The following GRM7 variants were observed in gnomAD, a reference collection of about 807,000 sequenced individuals.
The protein encoded by GRM7 is glutamate metabotropic receptor 7.
Under a neutral mutation model 84.5 loss-of-function variants are expected in GRM7, and 35 were observed. That is an observed-to-expected ratio of 0.41 (90% CI 0.32 to 0.55). The LOEUF is 0.55. GRM7 is among the 20% of genes least tolerant of loss of function. The probability of loss-of-function intolerance (pLI) is 0.19; values close to 1 mark genes in which losing one functional copy is unlikely to be tolerated. For synonymous variants in GRM7, 487 were observed against 455.1 expected (o/e 1.07, Z -0.89); for missense variants, 1,003 against 1,194.6 (o/e 0.84, Z 2.36).
intron 4 of GRM7, among the ~76,000 whole-genome samples, chr3:7,341,955 T>A (rs140892116): frequency 2.0e-5 from 3 of 152,212 alleles, no homozygotes; most frequent in South Asian, 2.1e-4. Flanking sequence ...GAATACAAAG[T>A]TAACATTATA....
At chr3:7,551,891 G>T (rs916397763) in intron 7 of GRM7, among the ~76,000 whole-genome samples, 17 of 152,172 alleles carry the variant, frequency 1.1e-4, no homozygotes, top group South Asian at 4.1e-4. Flanking sequence ...GAGCAAGGCT[G>T]GGGAGGCTTC....
chr3:7,325,042 C>G (rs1291440652), intron 4 of GRM7, among the ~76,000 whole-genome samples: 1 of 152,158 alleles, frequency 6.6e-6, no homozygotes, highest in Admixed American at 6.5e-5. Flanking sequence ...TTTTTTCAGT[C>G]GCCAGGATGG....
rs573031014 is a variant in GRM7, at chr3:7,646,396, G to A, written c.2452-33653G>A. ...TTTAGTAGAGAGGGGGTTTCACCAT[G>A]TTGGTCAGGCTGGTCTCGAACTCCT... On this transcript the variant is annotated intron_variant, in intron 8 of 9. Coordinates refer to ENST00000357716, the MANE Select transcript of GRM7 (RefSeq NM_000844.4). 6.6e-5 allele frequency among the ~76,000 whole-genome samples: 10 copies of A among 152,190 alleles called. No homozygotes were observed. The East Asian group carries it at 1.9e-3, about 29-fold the overall frequency.
chr3:7,502,110 C>G (rs1448577682), intron 7 of GRM7, among the ~76,000 whole-genome samples: 1 of 152,166 alleles, frequency 6.6e-6, no homozygotes, highest in Non-Finnish European at 1.5e-5. Flanking sequence ...CTAAGCTTCA[C>G]TATCCTTATC....
At chr3:7,350,715 C>T (rs1409253051) in intron 4 of GRM7, among the ~76,000 whole-genome samples, 1 of 151,970 alleles carries the variant, frequency 6.6e-6, no homozygotes, top group Non-Finnish European at 1.5e-5. Flanking sequence ...CTTTTTTTCT[C>T]CTCCTTTTAG....
intron 4 of GRM7, among the ~76,000 whole-genome samples, chr3:7,382,941 G>C (rs1343956840): frequency 6.6e-6 from 1 of 152,168 alleles, no homozygotes; most frequent in East Asian, 1.9e-4. Context: ...CTGTACCCTT[G>C]CTATCCACAG....
chr3:7,544,811 T>C (rs934426668), intron 7 of GRM7, among the ~76,000 whole-genome samples: 1 of 152,232 alleles, frequency 6.6e-6, no homozygotes, highest in Admixed American at 6.5e-5. Flanking sequence ...CCTTATGATT[T>C]AAATACCACA....
intron 5 of GRM7, among the ~76,000 whole-genome samples, chr3:7,430,395 T>C (rs940018156): frequency 6.6e-6 from 1 of 152,184 alleles, no homozygotes; most frequent in Non-Finnish European, 1.5e-5. Flanking sequence ...ATTGTTGTAA[T>C]TCACCAGAGA....
chr3:7,049,813 A>G (rs1574835710), intron 1 of GRM7, among the ~76,000 whole-genome samples: 3 of 151,828 alleles, frequency 2.0e-5, no homozygotes, highest in African/African-American at 7.2e-5. Flanking sequence ...GGGGGAGAAG[A>G]TGGAGATTAC....
chr3:6,892,304 G>A (rs1196909965), intron 1 of GRM7, among the ~76,000 whole-genome samples: 1 of 152,096 alleles, frequency 6.6e-6, no homozygotes, highest in East Asian at 1.9e-4. Flanking sequence ...AGCAGTGCCT[G>A]GGTCAGCATC....
At chr3:7,640,649 A>G (rs1019847405) in intron 8 of GRM7, among the ~76,000 whole-genome samples, 8 of 152,212 alleles carry the variant, frequency 5.3e-5, no homozygotes, top group African/African-American at 1.9e-4. Flanking sequence ...GGAAAGTCTG[A>G]GAAATACTAT....
At chr3:7,345,690 A>G (rs1359082558) in intron 4 of GRM7, among the ~76,000 whole-genome samples, 1 of 152,116 alleles carries the variant, frequency 6.6e-6, no homozygotes. Flanking sequence ...CTCTCTGATT[A>G]TAATGTGCTT....
chr3:7,370,645 A>G (rs1051992563), intron 4 of GRM7, among the ~76,000 whole-genome samples: 3 of 152,134 alleles, frequency 2.0e-5, no homozygotes, highest in Non-Finnish European at 4.4e-5. Context: ...GTCTCCAGAA[A>G]TATCCAGAAA....
intron 4 of GRM7, among the ~76,000 whole-genome samples, chr3:7,378,783 A>G (rs531836632): frequency 2.6e-5 from 4 of 152,284 alleles, no homozygotes; most frequent in African/African-American, 9.6e-5. Context: ...TGCTTTCAAC[A>G]CTTATCAGGA....
intron 1 of GRM7, among the ~76,000 whole-genome samples, chr3:7,092,811 C>T (rs552314640): frequency 1.3e-5 from 2 of 152,298 alleles, no homozygotes; most frequent in South Asian, 2.1e-4. Context: ...TGACTGGGCA[C>T]CTTGGCTCAT....
intron 1 of GRM7, among the ~76,000 whole-genome samples, chr3:7,130,579 T>A (rs2125052591): frequency 6.7e-6 from 1 of 149,286 alleles, no homozygotes; most frequent in Admixed American, 6.6e-5. Context: ...AAAGGATTAA[T>A]GGCCCATGGA....
At chr3:7,183,393 G>A (rs1462966316) in intron 2 of GRM7, among the ~76,000 whole-genome samples, 1 of 152,168 alleles carries the variant, frequency 6.6e-6, no homozygotes, top group South Asian at 2.1e-4. Flanking sequence ...TTGGGAGGCT[G>A]AGGCGGGTGG....
At chr3:7,606,475 A>G (rs1696576811) in intron 8 of GRM7, among the ~76,000 whole-genome samples, 2 of 152,166 alleles carry the variant, frequency 1.3e-5, no homozygotes, top group African/African-American at 4.8e-5. Context: ...TAAGCATAGA[A>G]AGTCATACAA....
intron 1 of GRM7, among the ~76,000 whole-genome samples, chr3:6,977,350 C>T (rs1462204951): frequency 6.6e-6 from 1 of 151,522 alleles, no homozygotes; most frequent in Non-Finnish European, 1.5e-5. Context: ...GTTAAGCTGG[C>T]GTGTGTGTGT....
Sources: gnomAD v4.1 joint callset for allele counts (sites outside exome capture counted in the v4.1 genomes callset) on GRCh38, gnomAD v4.1.1 for gene constraint, MANE v1.5 for transcripts, NCBI Gene and HGNC (gene_info 2026-07-23, HGNC 2026-07-21) for gene names.